Variants in C8orf34 observed in about 807,000 individuals in gnomAD.
C8orf34 encodes chromosome 8 open reading frame 34, also known as uncharacterized protein C8orf34.
In C8orf34, 65 loss-of-function variants were observed where a neutral mutation model predicts 68.3. The ratio of observed to expected loss-of-function variants is 0.95; its 90% CI spans 0.78 to 1.17. The LOEUF (loss-of-function observed/expected upper bound fraction) is 1.17. Among genes scored for constraint, C8orf34 ranks in the 50% most tolerant of loss-of-function variants. C8orf34 has a pLI of 0.00. For synonymous variants in C8orf34, 244 were observed against 241.2 expected (o/e 1.01, Z -0.11); for missense variants, 664 against 655.4 (o/e 1.01, Z -0.14).
At chr8:68,476,679 C>T (rs1812632746) in intron 4 of C8orf34, among the ~76,000 whole-genome samples, 1 of 152,028 alleles carries the variant, frequency 6.6e-6, no homozygotes, top group African/African-American at 2.4e-5. Flanking sequence ...TGGGGGAAAA[C>T]CATACATATT....
At chr8:68,744,050 C>T (rs1313107319) in intron 10 of C8orf34, among the ~76,000 whole-genome samples, 1 of 151,588 alleles carries the variant, frequency 6.6e-6, no homozygotes, top group Non-Finnish European at 1.5e-5. Flanking sequence ...AACGGGCAGA[C>T]TGCCTCCTCA....
upstream of C8orf34, chr8:68,330,867 T>A (rs966405074): frequency 1.1e-5 from 7 of 633,652 alleles, no homozygotes; most frequent in South Asian, 1.9e-4. Context: ...TCCGCCCGCG[T>A]GCGCCCCTCG....
chr8:68,604,982 T>A (rs1817812759), intron 7 of C8orf34, among the ~76,000 whole-genome samples: 1 of 152,096 alleles, frequency 6.6e-6, no homozygotes, highest in Admixed American at 6.6e-5. Flanking sequence ...TCATCCAAAA[T>A]ATATAAAGAA....
At chr8:68,702,549 A>G (rs1311199521) in intron 8 of C8orf34, among the ~76,000 whole-genome samples, 1 of 152,190 alleles carries the variant, frequency 6.6e-6, no homozygotes, top group Non-Finnish European at 1.5e-5. Flanking sequence ...TCTTCCAGAA[A>G]GTATTCAGGG....
At chr8:68,782,403 C>T (rs1823703144) in intron 11 of C8orf34, among the ~76,000 whole-genome samples, 1 of 148,534 alleles carries the variant, frequency 6.7e-6, no homozygotes, top group East Asian at 2.0e-4. Flanking sequence ...TGGTTTATAC[C>T]TAAATGGTAT....
At chr8:68,608,196 C>A (rs1453361448) in intron 7 of C8orf34, among the ~76,000 whole-genome samples, 1 of 151,612 alleles carries the variant, frequency 6.6e-6, no homozygotes, top group African/African-American at 2.4e-5. Flanking sequence ...ATGTGTCAAG[C>A]AAAAATTATA....
At chr8:68,651,830 T>C (rs1819368745) in intron 8 of C8orf34, among the ~76,000 whole-genome samples, 1 of 152,126 alleles carries the variant, frequency 6.6e-6, no homozygotes, top group Non-Finnish European at 1.5e-5. Flanking sequence ...ATGAGTACAC[T>C]AGAAGCCGAA....
Position 68,513,632 on chromosome 8 carries a change from T to C in C8orf34, c.766-8167T>C, listed in dbSNP as rs1814375855. Among the ~76,000 whole-genome samples, 2 of 152,232 alleles carry C rather than the reference T, an allele frequency of 1.3e-5. 1 individual carries two copies. The highest frequency in any genetic ancestry group is 4.8e-5 in the African/African-American group (2 of 41,468). ...GAAGAAGAAAAAAACAGCTTAAATATGCCTGGTGAAGAACCTTTTATTCTT... is the reference window on the plus strand; with the variant it reads ...GAAGAAGAAAAAAACAGCTTAAATACGCCTGGTGAAGAACCTTTTATTCTT... On this transcript the variant is annotated intron_variant, in intron 5 of 13. Transcript: ENST00000518698.
At chr8:68,533,686 C>A in intron 7 of C8orf34, 2 of 958,052 alleles carry the variant, frequency 2.1e-6, no homozygotes, top group Non-Finnish European at 2.5e-6. Context: ...TTCATGAAAC[C>A]TTATTAATCT....
chr8:68,482,607 G>T (rs1020178633), intron 4 of C8orf34, among the ~76,000 whole-genome samples: 4 of 152,088 alleles, frequency 2.6e-5, no homozygotes, highest in Non-Finnish European at 5.9e-5. Flanking sequence ...ATTGTCAGAG[G>T]TTGTTGATCA....
chr8:68,465,658 G>T (rs914185688), intron 3 of C8orf34, among the ~76,000 whole-genome samples: 10 of 151,970 alleles, frequency 6.6e-5, no homozygotes, highest in African/African-American at 2.4e-4. Flanking sequence ...GTAGGGACAC[G>T]GATGAAATTG....
chr8:68,406,150 CAG>C (rs1809182708), intron 1 of C8orf34, among the ~76,000 whole-genome samples: 2 of 152,110 alleles, frequency 1.3e-5, no homozygotes, highest in African/African-American at 4.8e-5. Context: ...GCAGGGGAAA[CAG>C]AGAGGAAACA....
At chr8:68,332,010 A>G (rs1329639025) in intron 1 of C8orf34, among the ~76,000 whole-genome samples, 1 of 150,934 alleles carries the variant, frequency 6.6e-6, no homozygotes, top group African/African-American at 2.4e-5. Flanking sequence ...CACATGTGTT[A>G]GCAGGAGAAA....
At chr8:68,743,618 T>C (rs182900162) in intron 10 of C8orf34, among the ~76,000 whole-genome samples, 1 of 152,036 alleles carries the variant, frequency 6.6e-6, no homozygotes, top group African/African-American at 2.4e-5. Context: ...AAGAAAGGGG[T>C]GACAGATGGC....
chr8:68,515,298 A>G (rs1814460077), intron 5 of C8orf34, among the ~76,000 whole-genome samples: 1 of 151,690 alleles, frequency 6.6e-6, no homozygotes, highest in African/African-American at 2.4e-5. Flanking sequence ...TAATGCCTAC[A>G]GCCCTCCCTT....
intron 1 of C8orf34, among the ~76,000 whole-genome samples, chr8:68,368,384 T>G (rs1458362684): frequency 6.6e-6 from 1 of 151,368 alleles, no homozygotes; most frequent in African/African-American, 2.5e-5. Context: ...TTTGGCTCTG[T>G]ATTATGGCTC....
chr8:68,706,024 T>C (rs955735425), intron 8 of C8orf34, among the ~76,000 whole-genome samples: 1 of 152,172 alleles, frequency 6.6e-6, no homozygotes, highest in African/African-American at 2.4e-5. Flanking sequence ...ATTACATAAT[T>C]GTTCTGGGTG....
At chr8:68,611,733 C>T (rs1047641054) in intron 7 of C8orf34, among the ~76,000 whole-genome samples, 6 of 152,104 alleles carry the variant, frequency 3.9e-5, no homozygotes, top group African/African-American at 1.4e-4. Flanking sequence ...TGGTTGGTAA[C>T]TACTGTTTAT....
At chr8:68,386,798 T>G (rs1808280641) in intron 1 of C8orf34, among the ~76,000 whole-genome samples, 1 of 152,080 alleles carries the variant, frequency 6.6e-6, no homozygotes. Flanking sequence ...GATCATTCTT[T>G]GCTGTGGGAG....
Sources: allele counts gnomAD v4.1 joint callset (sites outside exome capture counted in the v4.1 genomes callset), GRCh38; gene constraint gnomAD v4.1.1; transcripts MANE v1.5; gene names NCBI Gene and HGNC (gene_info 2026-07-23, HGNC 2026-07-21).